The following RGS7 variants were observed in gnomAD, a reference collection of about 807,000 sequenced individuals.
RGS7 encodes the protein regulator of G protein signaling 7.
Under a neutral mutation model 81.1 loss-of-function variants are expected in RGS7, and 27 were observed. The ratio of observed to expected loss-of-function variants is 0.33; its 90% CI spans 0.25 to 0.46. RGS7 has a LOEUF of 0.46. RGS7 is among the 20% of genes least tolerant of loss of function. RGS7 has a pLI of 1.00. For missense variants in RGS7, 396 were observed against 607.4 expected, an observed-to-expected ratio of 0.65 and a Z score of 3.66; for synonymous variants, 208 against 207.7, an observed-to-expected ratio of 1.00 and a Z score of -0.01.
At chr1:241,182,888 G>T (rs2071755482) in intron 2 of RGS7, among the ~76,000 whole-genome samples, 1 of 150,828 alleles carries the variant, frequency 6.6e-6, no homozygotes, top group Non-Finnish European at 1.5e-5. Context: ...TGGCCAGGCT[G>T]GTCTCAAACT....
intron 2 of RGS7, among the ~76,000 whole-genome samples, chr1:241,183,356 C>G (rs1329952406): frequency 6.6e-6 from 1 of 152,204 alleles, no homozygotes; most frequent in Non-Finnish European, 1.5e-5. Flanking sequence ...AGCTCAGTCA[C>G]CACGTGCTCC....
At chr1:240,931,314 C>A (rs780528856) in intron 5 of RGS7, among the ~76,000 whole-genome samples, 21 of 152,282 alleles carry the variant, frequency 1.4e-4, no homozygotes, top group Non-Finnish European at 2.1e-4. Context: ...TTTTTACTCT[C>A]ACTTTTAAAG....
At chr1:241,026,852 G>C (rs1046722276) in intron 3 of RGS7, among the ~76,000 whole-genome samples, 4 of 152,004 alleles carry the variant, frequency 2.6e-5, no homozygotes, top group Non-Finnish European at 5.9e-5. Flanking sequence ...AGTGGGCTTA[G>C]AGGATCTCTC....
rs533133102 is a variant in RGS7 at position 240,866,328 on chromosome 1, G to C, written c.609+2259C>G. Among the ~76,000 whole-genome samples the C allele has an allele frequency of 3.9e-5, 6 of 152,170 alleles. No homozygotes were observed. In the South Asian group the frequency reaches 1.2e-3, roughly 32 times the overall value. Reference sequence around the variant, plus strand: ...AGATCGAGATCATCCTTGCTAACACGGTGAAACCCCGTCTCTACTAAAAAT... The same window carrying C: ...AGATCGAGATCATCCTTGCTAACACCGTGAAACCCCGTCTCTACTAAAAAT... On this transcript the variant is annotated intron_variant, in intron 9 of 18. Coordinates refer to ENST00000440928, the MANE Select transcript of RGS7 (RefSeq NM_001364886.1).
At chr1:240,811,193 A>G (rs1239738793) in intron 14 of RGS7, among the ~76,000 whole-genome samples, 1 of 152,242 alleles carries the variant, frequency 6.6e-6, no homozygotes, top group Non-Finnish European at 1.5e-5. Context: ...AGAATAATGA[A>G]TGAAAGAACT....
In RGS7 at chr1:241,317,831, T is replaced by C. The variant is rs541091824; in HGVS notation, c.78+37868A>G. Among the ~76,000 whole-genome samples the C allele has an allele frequency of 2.0e-5, 3 of 152,346 alleles. No individual in the cohort carries two copies. The East Asian group carries it at 5.8e-4, about 29-fold the overall frequency. On this transcript the variant is annotated intron_variant, in intron 2 of 18. Transcript: ENST00000440928. Reference sequence around the variant, plus strand: ...GATATATTTTTAGGTTCTAAATATATCTTACAGGGACAATAATATCATCAT... The same window carrying C: ...GATATATTTTTAGGTTCTAAATATACCTTACAGGGACAATAATATCATCAT...
chr1:240,897,851 G>C (rs1013831688), intron 6 of RGS7, among the ~76,000 whole-genome samples: 2 of 152,186 alleles, frequency 1.3e-5, no homozygotes, highest in African/African-American at 4.8e-5. Flanking sequence ...AGTTTCACAA[G>C]GAATGGTACC....
intron 3 of RGS7, among the ~76,000 whole-genome samples, chr1:241,050,773 G>GT (rs1190116484): frequency 6.6e-6 from 1 of 152,138 alleles, no homozygotes; most frequent in Non-Finnish European, 1.5e-5. Flanking sequence ...TTAATGGATA[G>GT]TAAGTATATC....
chr1:241,305,776 C>G (rs1012675926), intron 2 of RGS7: 1 of 250,874 alleles, frequency 4.0e-6, no homozygotes, highest in Non-Finnish European at 7.8e-6. Context: ...GCATGTCTTG[C>G]GCGATTTTGG....
chr1:241,201,026 TC>T (rs1170374614), intron 2 of RGS7, among the ~76,000 whole-genome samples: 2 of 152,202 alleles, frequency 1.3e-5, no homozygotes, highest in Non-Finnish European at 2.9e-5. Flanking sequence ...TCATCTTTCC[TC>T]CCCATACCTT....
intron 2 of RGS7, among the ~76,000 whole-genome samples, chr1:241,145,056 G>T (rs536672192): frequency 6.7e-6 from 1 of 150,370 alleles, no homozygotes; most frequent in Non-Finnish European, 1.5e-5. Flanking sequence ...TCGCACTGTC[G>T]CCCAGGCTGG....
chr1:241,194,889 T>G (rs766234779), intron 2 of RGS7, among the ~76,000 whole-genome samples: 10 of 152,188 alleles, frequency 6.6e-5, no homozygotes, highest in Non-Finnish European at 1.5e-4. Flanking sequence ...TTTAGTGCCT[T>G]CCAGGAATGA....
intron 9 of RGS7, among the ~76,000 whole-genome samples, chr1:240,841,516 A>G (rs1017706367): frequency 6.6e-6 from 1 of 152,232 alleles, no homozygotes; most frequent in Non-Finnish European, 1.5e-5. Context: ...TCAAGATATA[A>G]ACTAAGAAAA....
At chr1:240,849,642 G>A (rs542339504) in intron 9 of RGS7, among the ~76,000 whole-genome samples, 8 of 152,132 alleles carry the variant, frequency 5.3e-5, no homozygotes, top group Middle Eastern at 3.4e-3. Flanking sequence ...GTAAGTTCCC[G>A]AGAGATCTGG....
chr1:240,930,850 T>G (rs1675322878), intron 5 of RGS7, 82 bp from the exon 6 acceptor site: 1 of 1,254,556 alleles, frequency 8.0e-7, no homozygotes, highest in African/African-American at 1.5e-5. Flanking sequence ...ACATTTATCT[T>G]CCACAATTCT....
intron 2 of RGS7, among the ~76,000 whole-genome samples, chr1:241,118,191 A>C (rs371093406): frequency 7.9e-5 from 12 of 152,362 alleles, no homozygotes; most frequent in East Asian, 3.9e-4. Flanking sequence ...CCAGCAGTTC[A>C]TAAGAGACTA....
intron 14 of RGS7, among the ~76,000 whole-genome samples, chr1:240,808,256 G>A (rs74151837): frequency 0.039 from 5,964 of 152,202 alleles, 128 homozygotes; most frequent in East Asian, 0.1. Context: ...CGAACTAGAC[G>A]GTCTGGGAAA....
intron 9 of RGS7, among the ~76,000 whole-genome samples, chr1:240,833,679 A>T (rs914225235): frequency 6.6e-6 from 1 of 152,184 alleles, no homozygotes; most frequent in Non-Finnish European, 1.5e-5. Context: ...CAAGTTATAA[A>T]AACTGCATGC....
At chr1:240,861,052 A>G (rs1662110234) in intron 9 of RGS7, among the ~76,000 whole-genome samples, 1 of 152,182 alleles carries the variant, frequency 6.6e-6, no homozygotes. Context: ...TAGGATAGGG[A>G]ATTGAAGACA....
Sources: allele counts gnomAD v4.1 joint callset (sites outside exome capture counted in the v4.1 genomes callset), GRCh38; gene constraint gnomAD v4.1.1; transcripts MANE v1.5; gene names NCBI Gene and HGNC (gene_info 2026-07-23, HGNC 2026-07-21).